MYO16: variants seen among roughly 807,000 people sequenced by gnomAD.
MYO16 encodes unconventional myosin-XVI.
Under a neutral mutation model 205.3 loss-of-function variants are expected in MYO16, and 94 were observed. The observed-to-expected ratio is 0.46, with a 90% CI of 0.39 to 0.54. The LOEUF (loss-of-function observed/expected upper bound fraction) is 0.54. Among genes scored for constraint, MYO16 ranks in the 20% least tolerant of loss-of-function variants. The pLI is 0.00. For missense variants in MYO16, 2,315 were observed against 2,387.5 expected (o/e 0.97, Z 0.63); for synonymous variants, 988 against 954.0 (o/e 1.04, Z -0.66).
the MYO16 span, among the ~76,000 whole-genome samples, chr13:108,566,937 A>C: frequency 1.3e-5 from 2 of 152,284 alleles, no homozygotes; most frequent in East Asian, 3.9e-4. Flanking sequence ...ACTAGGATAG[A>C]AGCATAATGA....
the MYO16 span, among the ~76,000 whole-genome samples, chr13:108,543,779 G>A: frequency 7.9e-6 from 1 of 126,780 alleles, no homozygotes; most frequent in African/African-American, 3.0e-5. Flanking sequence ...TAAAGAGCAT[G>A]ATAAGGCTGG....
intron 22 of MYO16, among the ~76,000 whole-genome samples, chr13:109,012,918 TCTC>T (rs1885651872): frequency 6.6e-6 from 1 of 151,986 alleles, no homozygotes; most frequent in South Asian, 2.1e-4. Flanking sequence ...CACAGTCACT[TCTC>T]CTTCCTGTTG....
At chr13:108,657,066 C>T (rs1388849949) in intron 1 of MYO16, among the ~76,000 whole-genome samples, 1 of 152,214 alleles carries the variant, frequency 6.6e-6, no homozygotes, top group Non-Finnish European at 1.5e-5. Flanking sequence ...TGTTGAATAT[C>T]ATCTTGAACG....
At chr13:109,077,398 C>T (rs1888142769) in intron 27 of MYO16, among the ~76,000 whole-genome samples, 2 of 152,070 alleles carry the variant, frequency 1.3e-5, no homozygotes, top group South Asian at 4.1e-4. Flanking sequence ...TAGACCTTCC[C>T]TTTCCCTCAA....
chr13:108,549,632 T>C, the MYO16 span, among the ~76,000 whole-genome samples: 2 of 152,030 alleles, frequency 1.3e-5, no homozygotes, highest in East Asian at 3.9e-4. Flanking sequence ...GTTAAATGCA[T>C]GTGTGAAAGT....
chr13:108,869,624 G>C (rs1298405199), intron 12 of MYO16, among the ~76,000 whole-genome samples: 1 of 149,360 alleles, frequency 6.7e-6, no homozygotes, highest in Non-Finnish European at 1.5e-5. Context: ...CCAGCTACTC[G>C]GGAGGCTGAG....
rs926146156 is a variant in MYO16 at position 109,052,349 on chromosome 13, A to G, written c.2922A>G (p.Gln974=). The G allele has an allele frequency of 3.0e-5, 48 of 1,613,300 alleles. No homozygotes were observed. Among genetic ancestry groups the G allele is most frequent in the African/African-American group, 5.3e-5 (4 of 74,904 alleles). Residue 974 remains glutamine (Q), a synonymous_variant, in exon 25 of 35, where the codon CAA becomes CAG. Coordinates refer to ENST00000457511, the MANE Select transcript of MYO16 (RefSeq NM_001198950.3). ...INHLFQSKLS[Q]TGSLVSAYPS... is the part of the protein sequence containing the mutation. ...ATTTGTTCCAGTCGAAATTGTCACA[A>G]ACAGGATCCCTCGTATCTGCCTATC... is the stretch of plus-strand genomic sequence containing the variant.
intron 31 of MYO16, among the ~76,000 whole-genome samples, chr13:109,133,982 C>G (rs1876656361): frequency 6.6e-6 from 1 of 152,146 alleles, no homozygotes; most frequent in Admixed American, 6.5e-5. Flanking sequence ...ATAATGCACT[C>G]TAGTCATCTG....
At chr13:108,612,006 C>T (rs573068615) in intron 1 of MYO16, among the ~76,000 whole-genome samples, 84 of 121,578 alleles carry the variant, frequency 6.9e-4, no homozygotes, top group Admixed American at 1.3e-3. Context: ...GACGGAGTCT[C>T]GCTCTGTCGC....
chr13:108,861,837 G>A (rs145305049), intron 11 of MYO16, among the ~76,000 whole-genome samples: 3 of 148,562 alleles, frequency 2.0e-5, no homozygotes, highest in Admixed American at 6.8e-5. Context: ...ATGTATTCAC[G>A]ATATTCTTTT....
At chr13:108,662,806 T>TA (rs1337053454) in intron 1 of MYO16, among the ~76,000 whole-genome samples, 1 of 152,238 alleles carries the variant, frequency 6.6e-6, no homozygotes, top group South Asian at 2.1e-4. Context: ...CTCATCCTGT[T>TA]AAAAAATGTT....
intron 16 of MYO16, among the ~76,000 whole-genome samples, chr13:108,936,606 A>T (rs1882502070): frequency 6.6e-6 from 1 of 152,072 alleles, no homozygotes; most frequent in Non-Finnish European, 1.5e-5. Context: ...CTGATTTAAA[A>T]TATATTTTAT....
At chr13:108,659,255 G>A (rs1046183121) in intron 1 of MYO16, 37 of 163,452 alleles carry the variant, frequency 2.3e-4, no homozygotes, top group African/African-American at 8.3e-4. Context: ...TGATATATAT[G>A]ATATATATAT....
chr13:108,995,414 C>CG (rs1461755603), intron 21 of MYO16, among the ~76,000 whole-genome samples: 2 of 152,096 alleles, frequency 1.3e-5, no homozygotes, highest in African/African-American at 4.8e-5. Context: ...GCAGAATTAA[C>CG]GAATCATTTC....
At position 108,748,362 on chromosome 13, in the gene MYO16, A is replaced by C. The variant is rs1399208059; in HGVS notation, c.507+20779A>C. 3.9e-5 allele frequency among the ~76,000 whole-genome samples: 6 copies of C among 152,202 alleles called. No homozygotes were observed. In the East Asian group the frequency reaches 1.2e-3, roughly 29 times the overall value. On this transcript the variant is annotated intron_variant, in intron 4 of 34. Transcript: ENST00000457511. ...ATGGGATGCAGCAACATCAAAGCTT[A>C]GAGAGAAATTTATAGCATTAAATAC...
intron 2 of MYO16, among the ~76,000 whole-genome samples, chr13:108,701,973 A>T (rs1016728996): frequency 1.4e-4 from 21 of 152,140 alleles, no homozygotes; most frequent in African/African-American, 4.8e-4. Flanking sequence ...CAAGCAGTGA[A>T]TTTAAAGATA....
chr13:108,640,971 G>A (rs28689949), intron 1 of MYO16, among the ~76,000 whole-genome samples: 19,614 of 152,166 alleles, frequency 0.13, 1,734 homozygotes, highest in South Asian at 0.25. Flanking sequence ...CCACAGTTCA[G>A]TGATGCTTTG....
In MYO16 at chr13:108,706,908, G is replaced by A. The variant is rs1047508624; in HGVS notation, c.293-5753G>A. On this transcript the variant is annotated intron_variant, in intron 2 of 34. Coordinates refer to ENST00000457511, the MANE Select transcript of MYO16 (RefSeq NM_001198950.3). ...GGTCTCTGGGGCTAAGGTGGGTCTC[G>A]GCTAGTGCTTGATTCCGGGGTGCTT... Among the ~76,000 whole-genome samples the A allele has an allele frequency of 5.3e-5, 8 of 152,234 alleles. No homozygotes were observed. In the East Asian group the frequency reaches 9.7e-4, roughly 18 times the overall value.
At chr13:108,754,454 T>C (rs1019403517) in intron 4 of MYO16, among the ~76,000 whole-genome samples, 1 of 152,200 alleles carries the variant, frequency 6.6e-6, no homozygotes, top group Non-Finnish European at 1.5e-5. Flanking sequence ...GACAGAAAAC[T>C]ATATTGACAT....
Sources: gnomAD v4.1 joint callset for allele counts (sites outside exome capture counted in the v4.1 genomes callset) on GRCh38, gnomAD v4.1.1 for gene constraint, MANE v1.5 for transcripts, NCBI Gene and HGNC (gene_info 2026-07-23, HGNC 2026-07-21) for gene names.